ERC1: variants seen among roughly 807,000 people sequenced by gnomAD.
ERC1 encodes ELKS/RAB6-interacting/CAST family member 1, also known as RAB6 interacting protein 2.
ERC1 carries 56 observed loss-of-function variants against 132.0 expected under a neutral mutation model. The observed-to-expected ratio is 0.42, with a 90% CI of 0.34 to 0.53. The LOEUF (loss-of-function observed/expected upper bound fraction) is 0.53. ERC1 is among the 20% of genes least tolerant of loss of function. The probability of loss-of-function intolerance (pLI) is 0.03; values close to 1 mark genes in which losing one functional copy is unlikely to be tolerated. For synonymous variants in ERC1, 478 were observed against 476.1 expected, an observed-to-expected ratio of 1.00 and a Z score of -0.05; for missense variants, 1,202 against 1,349.9, an observed-to-expected ratio of 0.89 and a Z score of 1.72.
intron 18 of ERC1, among the ~76,000 whole-genome samples, chr12:1,461,413 A>G (rs1295004582): frequency 6.6e-6 from 1 of 152,184 alleles, no homozygotes; most frequent in East Asian, 1.9e-4. Flanking sequence ...CACACTTGTA[A>G]TCCCAGCACT....
At chr12:1,473,566 G>A (rs1457919616) in intron 18 of ERC1, among the ~76,000 whole-genome samples, 1 of 150,470 alleles carries the variant, frequency 6.6e-6, no homozygotes, top group African/African-American at 2.5e-5. Flanking sequence ...GGAGTTCCAG[G>A]CTGCAGTGAG....
intron 18 of ERC1, 172 bp downstream of exon 18, chr12:1,444,922 G>A (rs2093262465): frequency 2.3e-6 from 1 of 427,244 alleles, no homozygotes. Flanking sequence ...CTACCTTGGG[G>A]AATTCCATGT....
chr12:1,385,280 A>G (rs1011624777), intron 16 of ERC1, among the ~76,000 whole-genome samples: 1 of 151,596 alleles, frequency 6.6e-6, no homozygotes, highest in Non-Finnish European at 1.5e-5. Context: ...TTACCTTCCT[A>G]TCTTTTTTTT....
intron 15 of ERC1, among the ~76,000 whole-genome samples, chr12:1,357,688 C>T (rs1209879265): frequency 6.6e-6 from 1 of 152,164 alleles, no homozygotes; most frequent in Non-Finnish European, 1.5e-5. Context: ...ATATTACATA[C>T]ACTATAAAAC....
chr12:1,379,694 T>C (rs1365898876), intron 16 of ERC1, among the ~76,000 whole-genome samples: 1 of 152,122 alleles, frequency 6.6e-6, no homozygotes, highest in East Asian at 1.9e-4. Flanking sequence ...CGGGGTCCTC[T>C]GTAGGGTTAC....
intron 2 of ERC1, among the ~76,000 whole-genome samples, chr12:1,077,912 T>C (rs1239178620): frequency 6.6e-6 from 1 of 152,140 alleles, no homozygotes; most frequent in African/African-American, 2.4e-5. Context: ...AAAGAGGAAA[T>C]GTTGGTTTAT....
chr12:1,254,008 G>A (rs146208925), intron 13 of ERC1, among the ~76,000 whole-genome samples: 73 of 152,308 alleles, frequency 4.8e-4, no homozygotes, highest in African/African-American at 1.6e-3. Context: ...TACTCTGTGA[G>A]TGAAGTATTC....
chr12:1,006,636 T>TC (rs1963665390), intron 1 of ERC1, among the ~76,000 whole-genome samples: 1 of 152,022 alleles, frequency 6.6e-6, no homozygotes. Context: ...GCTCAAGTGA[T>TC]CCCCTCACCT....
chr12:1,218,643 T>A (rs1054356222), intron 12 of ERC1, among the ~76,000 whole-genome samples: 1 of 152,062 alleles, frequency 6.6e-6, no homozygotes, highest in African/African-American at 2.4e-5. Context: ...ATCTTAACTT[T>A]ACCTTTCAGC....
intron 15 of ERC1, among the ~76,000 whole-genome samples, chr12:1,298,128 GAT>G (rs1424881504): frequency 1.3e-5 from 2 of 152,098 alleles, no homozygotes; most frequent in African/African-American, 4.8e-5. Flanking sequence ...GAGAAAGAAA[GAT>G]AGATTACGAA....
At chr12:1,413,819 C>T (rs183302279) in intron 17 of ERC1, among the ~76,000 whole-genome samples, 133 of 152,322 alleles carry the variant, frequency 8.7e-4, no homozygotes, top group African/African-American at 3.0e-3. Context: ...ATATGACTAT[C>T]TCAGTCAGCT....
At chr12:1,413,857 T>G (rs1466189654) in intron 17 of ERC1, among the ~76,000 whole-genome samples, 3 of 152,212 alleles carry the variant, frequency 2.0e-5, no homozygotes, top group African/African-American at 4.8e-5. Context: ...TATCATAGAC[T>G]GGATGGCTTA....
At chr12:1,065,521 T>TGTGTGTGTGTGTGG (rs61391025) in intron 2 of ERC1, among the ~76,000 whole-genome samples, 1 of 146,746 alleles carries the variant, frequency 6.8e-6, no homozygotes, top group African/African-American at 2.5e-5. Context: ...TGTGTGTGTG[T>TGTGTGTGTGTGTGG]TTGTATATTG....
chr12:1,459,374 G>A (rs1344708236), intron 18 of ERC1, among the ~76,000 whole-genome samples: 1 of 151,982 alleles, frequency 6.6e-6, no homozygotes, highest in African/African-American at 2.4e-5. Flanking sequence ...GGACCCAGGG[G>A]GAGAAATTTC....
chr12:1,442,064 A>G (rs1163199102), intron 17 of ERC1, among the ~76,000 whole-genome samples: 2 of 152,128 alleles, frequency 1.3e-5, no homozygotes, highest in African/African-American at 2.4e-5. Flanking sequence ...CATAGCTGGG[A>G]TTACAGGCGC....
At chr12:1,076,423 C>G (rs1235691326) in intron 2 of ERC1, among the ~76,000 whole-genome samples, 1 of 135,232 alleles carries the variant, frequency 7.4e-6, no homozygotes, top group Non-Finnish European at 1.5e-5. Flanking sequence ...GAGATGGAGT[C>G]TCACTCTGTC....
chr12:1,279,783 C>T (rs964411358), intron 14 of ERC1, among the ~76,000 whole-genome samples: 10 of 151,938 alleles, frequency 6.6e-5, no homozygotes, highest in African/African-American at 9.7e-5. Flanking sequence ...GCAACCTCCG[C>T]GTCCCGGGTT....
chr12:1,068,354 CTCAAAGATCCGTATGAAATTA>C (rs1939665789), intron 2 of ERC1, among the ~76,000 whole-genome samples: 1 of 152,124 alleles, frequency 6.6e-6, no homozygotes, highest in Non-Finnish European at 1.5e-5. Flanking sequence ...AAATTTTGAT[CTCAAAGATCCGTATGAAATTA>C]TCTTGGAGAT....
intron 17 of ERC1, among the ~76,000 whole-genome samples, chr12:1,443,022 C>G (rs1292461117): frequency 6.6e-6 from 1 of 151,796 alleles, no homozygotes; most frequent in East Asian, 1.9e-4. Flanking sequence ...ATTCTCCTGC[C>G]TCTGCCTCCC....
Sources: allele counts gnomAD v4.1 joint callset (sites outside exome capture counted in the v4.1 genomes callset), GRCh38; gene constraint gnomAD v4.1.1; transcripts MANE v1.5; gene names NCBI Gene and HGNC (gene_info 2026-07-23, HGNC 2026-07-21).